The following DRC11 variants were observed in gnomAD, a reference collection of about 807,000 sequenced individuals.
DRC11 encodes the protein dynein regulatory complex subunit 11.
At chr2:236,421,934 T>C in the DRC11 span, among the ~76,000 whole-genome samples, 1 of 152,188 alleles carries the variant, frequency 6.6e-6, no homozygotes, top group African/African-American at 2.4e-5. Context: ...ATCCAGCATA[T>C]AAACAGAACC....
chr2:236,307,310 C>G, the DRC11 span, among the ~76,000 whole-genome samples: 1 of 152,174 alleles, frequency 6.6e-6, no homozygotes, highest in Non-Finnish European at 1.5e-5. The surrounding 1 kb of genome is among the most constrained non-coding windows in gnomAD (Gnocchi z 7.0). Flanking sequence ...CGACAGCGCC[C>G]CAGGCTTAGA....
At chr2:236,413,788 T>G in the DRC11 span, among the ~76,000 whole-genome samples, 1 of 152,246 alleles carries the variant, frequency 6.6e-6, no homozygotes, top group African/African-American at 2.4e-5. This position sits in a 1 kb window ranked among gnomAD's most constrained non-coding sequence, Gnocchi z 4.0. Flanking sequence ...AATACCACTT[T>G]AAATCATTCC....
chr2:236,357,143 CTATA>C, the DRC11 span, among the ~76,000 whole-genome samples: 2 of 126,010 alleles, frequency 1.6e-5, no homozygotes, highest in Admixed American at 8.6e-5. Flanking sequence ...TATTATATAT[CTATA>C]TATTATGTAT....
chr2:236,440,012 G>A, the DRC11 span, among the ~76,000 whole-genome samples: 1 of 152,146 alleles, frequency 6.6e-6, no homozygotes, highest in Non-Finnish European at 1.5e-5. Context: ...ATAATCTCAT[G>A]GAGAAGATAA....
the DRC11 span, among the ~76,000 whole-genome samples, chr2:236,476,363 A>T: frequency 2.0e-5 from 3 of 151,234 alleles, no homozygotes; most frequent in East Asian, 5.9e-4. This position sits in a 1 kb window ranked among gnomAD's most constrained non-coding sequence, Gnocchi z 4.7. Context: ...TTTTTTTTAG[A>T]TTTTTCACTG....
the DRC11 span, among the ~76,000 whole-genome samples, chr2:236,490,940 G>C: frequency 0.2 from 27,726 of 137,660 alleles, 2,919 homozygotes; most frequent in Middle Eastern, 0.29. This position sits in a 1 kb window ranked among gnomAD's most constrained non-coding sequence, Gnocchi z 5.5. Flanking sequence ...ATATATATGA[G>C]TGTGTATATA....
the DRC11 span, among the ~76,000 whole-genome samples, chr2:236,399,021 G>A: frequency 1.3e-5 from 2 of 150,434 alleles, no homozygotes; most frequent in African/African-American, 4.9e-5. The surrounding 1 kb of genome is among the most constrained non-coding windows in gnomAD (Gnocchi z 7.0). Flanking sequence ...GCAGAGTCTC[G>A]CTCTGTCATC....
the DRC11 span, chr2:236,380,484 TCA>T: frequency 1.7e-5 from 18 of 1,042,880 alleles, no homozygotes; most frequent in Middle Eastern, 2.0e-4. This position sits in a 1 kb window ranked among gnomAD's most constrained non-coding sequence, Gnocchi z 4.9. Flanking sequence ...GGGCGTGGCA[TCA>T]CAGAGGGGGC....
chr2:236,384,501 T>C, the DRC11 span, among the ~76,000 whole-genome samples: 1 of 152,248 alleles, frequency 6.6e-6, no homozygotes, highest in African/African-American at 2.4e-5. Context: ...CACCCACTTT[T>C]TGATGGGGTC....
At chr2:236,491,142 G>GTATATATATA in the DRC11 span, among the ~76,000 whole-genome samples, 12 of 39,360 alleles carry the variant, frequency 3.0e-4, 2 homozygotes, top group African/African-American at 1.6e-3. Flanking sequence ...TATATATACA[G>GTATATATATA]TATATATATA....
the DRC11 span, among the ~76,000 whole-genome samples, chr2:236,431,434 T>C: frequency 1.3e-5 from 2 of 152,168 alleles, no homozygotes; most frequent in African/African-American, 2.4e-5. The surrounding 1 kb of genome is among the most constrained non-coding windows in gnomAD (Gnocchi z 4.2). Context: ...CATCAAATCT[T>C]GTGAGAACTC....
the DRC11 span, among the ~76,000 whole-genome samples, chr2:236,321,452 T>G: frequency 6.6e-6 from 1 of 152,230 alleles, no homozygotes; most frequent in Non-Finnish European, 1.5e-5. Flanking sequence ...ACACGCAGAA[T>G]ATGAGTATGT....
At chr2:236,324,871 G>T in the DRC11 span, 1 of 951,440 alleles carries the variant, frequency 1.1e-6, no homozygotes, top group Non-Finnish European at 1.6e-6. This position sits in a 1 kb window ranked among gnomAD's most constrained non-coding sequence, Gnocchi z 5.7. Flanking sequence ...CTGCTAAGCA[G>T]GAAGGGGCAA....
the DRC11 span, among the ~76,000 whole-genome samples, chr2:236,416,725 A>ATATATT: frequency 6.2e-5 from 1 of 16,004 alleles, no homozygotes; most frequent in Non-Finnish European, 1.2e-4. Context: ...ATATATTTAT[A>ATATATT]TATATATATA....
At chr2:236,320,942 CT>C in the DRC11 span, among the ~76,000 whole-genome samples, 1 of 152,058 alleles carries the variant, frequency 6.6e-6, no homozygotes, top group East Asian at 1.9e-4. Context: ...GCGGCCTCAC[CT>C]TCCAGGAGGA....
chr2:236,329,810 G>C, the DRC11 span, among the ~76,000 whole-genome samples: 1 of 152,208 alleles, frequency 6.6e-6, no homozygotes, highest in African/African-American at 2.4e-5. Context: ...TTTTGAAAAT[G>C]AATAGAGCAA....
At chr2:236,498,903 A>G in the DRC11 span, among the ~76,000 whole-genome samples, 3 of 152,216 alleles carry the variant, frequency 2.0e-5, no homozygotes, top group Non-Finnish European at 4.4e-5. Flanking sequence ...AGGACTGAAA[A>G]GTGAACTGGA....
the DRC11 span, chr2:236,493,895 A>G: frequency 6.3e-7 from 1 of 1,587,944 alleles, no homozygotes; most frequent in Non-Finnish European, 8.6e-7. Context: ...TTGCTAGAGA[A>G]GAGAAAGAAT....
At chr2:236,321,445 C>T in the DRC11 span, among the ~76,000 whole-genome samples, 6 of 152,194 alleles carry the variant, frequency 3.9e-5, no homozygotes, top group Admixed American at 2.0e-4. Flanking sequence ...GTGTGAAACA[C>T]GCAGAATATG....
Sources: allele counts gnomAD v4.1 joint callset (sites outside exome capture counted in the v4.1 genomes callset), GRCh38; gene constraint gnomAD v4.1.1; non-coding constraint Gnocchi (gnomAD v3.1); transcripts MANE v1.5; gene names NCBI Gene and HGNC (gene_info 2026-07-23, HGNC 2026-07-21).